KSR2: variants seen among roughly 807,000 people sequenced by gnomAD.
KSR2 encodes the protein kinase suppressor of ras 2.
In KSR2, 25 loss-of-function variants were observed where a neutral mutation model predicts 107.8. The ratio of observed to expected loss-of-function variants is 0.23; its 90% CI spans 0.17 to 0.32. The LOEUF (loss-of-function observed/expected upper bound fraction) is 0.32. Among genes scored for constraint, KSR2 ranks in the 10% least tolerant of loss-of-function variants. KSR2 has a pLI of 1.00. For missense variants in KSR2, 887 were observed against 1,268.9 expected (o/e 0.70, Z 4.57); for synonymous variants, 480 against 507.0 (o/e 0.95, Z 0.71).
intron 4 of KSR2, among the ~76,000 whole-genome samples, chr12:117,719,743 C>T (rs1887133001): frequency 6.6e-6 from 1 of 152,198 alleles, no homozygotes; most frequent in Non-Finnish European, 1.5e-5. Flanking sequence ...AATGAACATG[C>T]ATTAATTGCA....
intron 5 of KSR2, among the ~76,000 whole-genome samples, chr12:117,649,079 G>A (rs1883779257): frequency 6.6e-6 from 1 of 152,232 alleles, no homozygotes; most frequent in Non-Finnish European, 1.5e-5. Context: ...ACAGTTTTGT[G>A]AGGTATGCAG....
chr12:117,854,889 T>G (rs948482574), intron 3 of KSR2, among the ~76,000 whole-genome samples: 9 of 151,858 alleles, frequency 5.9e-5, no homozygotes, highest in Non-Finnish European at 1.3e-4. Context: ...AAAAAAAAAT[T>G]TAAGCAATAT....
At chr12:117,744,483 C>G (rs1483243174) in intron 4 of KSR2, among the ~76,000 whole-genome samples, 5 of 152,068 alleles carry the variant, frequency 3.3e-5, no homozygotes, top group Non-Finnish European at 7.4e-5. Flanking sequence ...AAAGGAATGC[C>G]TGAATTAAAG....
chr12:117,666,353 C>G (rs779538439), intron 5 of KSR2, among the ~76,000 whole-genome samples: 5 of 152,236 alleles, frequency 3.3e-5, no homozygotes, highest in South Asian at 2.1e-4. Flanking sequence ...GTGTAAGAAC[C>G]CTTAGATAAA....
intron 5 of KSR2, among the ~76,000 whole-genome samples, chr12:117,652,301 C>T (rs907704619): frequency 6.6e-6 from 1 of 152,070 alleles, no homozygotes; most frequent in Non-Finnish European, 1.5e-5. Context: ...ACCCCAATAA[C>T]TTATGGAAAA....
chr12:117,523,181 A>G (rs567837790), intron 14 of KSR2, among the ~76,000 whole-genome samples: 1 of 152,332 alleles, frequency 6.6e-6, no homozygotes, highest in East Asian at 1.9e-4. Flanking sequence ...ACCTTCTACC[A>G]ATCACCAAGT....
At chr12:117,602,219 C>T (rs4767574) in intron 5 of KSR2, among the ~76,000 whole-genome samples, 152,364 of 152,366 alleles carry the variant, frequency 1, 76,181 homozygotes, top group Non-Finnish European at 1. Context: ...TTTTGTTTTG[C>T]TTTCAATTGA....
chr12:117,550,857 G>A (rs1407957300), intron 9 of KSR2, among the ~76,000 whole-genome samples: 2 of 152,166 alleles, frequency 1.3e-5, no homozygotes, highest in African/African-American at 4.8e-5. Flanking sequence ...TGGGTCCAAG[G>A]AGCTGGACTG....
chr12:117,580,038 G>C (rs1879545547), intron 6 of KSR2, among the ~76,000 whole-genome samples: 1 of 152,170 alleles, frequency 6.6e-6, no homozygotes, highest in African/African-American at 2.4e-5. Context: ...TTTTCAATTT[G>C]TGTCACCGTC....
intron 3 of KSR2, among the ~76,000 whole-genome samples, chr12:117,845,615 C>T (rs1370571333): frequency 1.3e-5 from 2 of 151,980 alleles, no homozygotes; most frequent in Non-Finnish European, 1.5e-5. Context: ...CTCTATAATC[C>T]GGGTGAGCTG....
Position 117,476,594 on chromosome 12 carries a change from G to A in KSR2, c.2452C>T (p.Arg818Trp), listed in dbSNP as rs372845126. 6.4e-5 allele frequency: 103 copies of A among 1,608,962 alleles called. No individual in the cohort carries two copies. The highest frequency in any genetic ancestry group is 1.6e-4 in the Middle Eastern group (1 of 6,072). ...SISGVLQAGR[R>W]EDKLRIQNGW... ...TTCTGGATGCGCAGTTTGTCCTCCC[G>A]CCTGGAGAAGCAAAGCACAGGATGA... The change falls in exon 17 of 20, where the codon CGG becomes TGG. Residue 818 changes from arginine (R) to tryptophan (W), a missense_variant and splice_region_variant. Arg to Trp is a moderately radical substitution (Grantham distance 101). Coordinates refer to ENST00000339824, the MANE Select transcript of KSR2 (RefSeq NM_173598.6).
At chr12:117,490,182 G>A (rs760524687) in intron 14 of KSR2, among the ~76,000 whole-genome samples, 1 of 152,144 alleles carries the variant, frequency 6.6e-6, no homozygotes. Flanking sequence ...CCTCCACTGT[G>A]TGGGTGCCCA....
At chr12:117,675,249 T>A in intron 4 of KSR2, among the ~76,000 whole-genome samples, 1 of 152,152 alleles carries the variant, frequency 6.6e-6, no homozygotes, top group East Asian at 1.9e-4. Flanking sequence ...CCATCTAGCA[T>A]AAGACAGGGA....
intron 3 of KSR2, among the ~76,000 whole-genome samples, chr12:117,852,926 C>T (rs1437232135): frequency 2.6e-5 from 4 of 152,156 alleles, no homozygotes; most frequent in African/African-American, 9.7e-5. Flanking sequence ...CTCAGCCTCC[C>T]AAATAGCTGG....
At chr12:117,957,772 C>T (rs1896556197) in intron 1 of KSR2, among the ~76,000 whole-genome samples, 1 of 150,352 alleles carries the variant, frequency 6.7e-6, no homozygotes, top group South Asian at 2.1e-4. Flanking sequence ...CACACACACA[C>T]GCACACCTTT....
At chr12:117,938,954 A>C (rs1271413049) in intron 1 of KSR2, among the ~76,000 whole-genome samples, 3 of 152,084 alleles carry the variant, frequency 2.0e-5, no homozygotes, top group South Asian at 2.1e-4. Context: ...ATCACTGGGA[A>C]TCAGTCAAGC....
chr12:117,636,320 A>G (rs1197290660), intron 5 of KSR2, among the ~76,000 whole-genome samples: 1 of 146,970 alleles, frequency 6.8e-6, no homozygotes, highest in Non-Finnish European at 1.5e-5. Context: ...TAAAAAAATT[A>G]AAATAAATCT....
chr12:117,947,206 AAAG>A (rs1198329013), intron 1 of KSR2, among the ~76,000 whole-genome samples: 3 of 10,402 alleles, frequency 2.9e-4, no homozygotes, highest in African/African-American at 1.0e-3. Context: ...AAAAGAAAGA[AAAG>A]AAAGAAAGAA....
intron 1 of KSR2, among the ~76,000 whole-genome samples, chr12:117,932,816 C>T (rs2137503766): frequency 6.6e-6 from 1 of 152,166 alleles, no homozygotes; most frequent in South Asian, 2.1e-4. Flanking sequence ...AGTTGGAGAC[C>T]AGCCTGACCA....
Sources: gnomAD v4.1 joint callset for allele counts (sites outside exome capture counted in the v4.1 genomes callset) on GRCh38, gnomAD v4.1.1 for gene constraint, MANE v1.5 for transcripts, NCBI Gene and HGNC (gene_info 2026-07-23, HGNC 2026-07-21) for gene names.